SLIT1: variants seen among roughly 807,000 people sequenced by gnomAD.
SLIT1 encodes slit guidance ligand 1, also known as slit homolog 1 protein.
SLIT1 carries 66 observed loss-of-function variants against 186.1 expected under a neutral mutation model. The ratio of observed to expected loss-of-function variants is 0.35; its 90% CI spans 0.29 to 0.44. SLIT1 has a LOEUF of 0.44. SLIT1 is among the 20% of genes least tolerant of loss of function. The probability of loss-of-function intolerance (pLI) is 1.00; values close to 1 mark genes in which losing one functional copy is unlikely to be tolerated. For synonymous variants in SLIT1, 761 were observed against 833.8 expected (o/e 0.91, Z 1.50); for missense variants, 1,638 against 2,037.4 (o/e 0.80, Z 3.77).
chr10:97,008,003 GA>G (rs1402996162), intron 31 of SLIT1, among the ~76,000 whole-genome samples: 1 of 151,646 alleles, frequency 6.6e-6, no homozygotes, highest in Non-Finnish European at 1.5e-5. Flanking sequence ...GAGGGAGGGA[GA>G]GGGGGAAGGC....
chr10:97,105,106 G>A (rs1849399875), intron 4 of SLIT1, among the ~76,000 whole-genome samples: 1 of 152,194 alleles, frequency 6.6e-6, no homozygotes. Flanking sequence ...AGATGCTGAG[G>A]GGGCAGAGCT....
Position 97,002,163 on chromosome 10 carries a change from T to A in SLIT1, c.4361A>T (p.Glu1454Val). The change falls in exon 36 of 37, where the codon GAG becomes GTG. Residue 1454 changes from glutamate (E) to valine (V), a missense_variant. Physicochemically the swap from Glu to Val is moderately radical, Grantham distance 121. Coordinates refer to ENST00000266058, the MANE Select transcript of SLIT1 (RefSeq NM_003061.3). ...TCAGGAGGGGGGCCCCTGACCTTGC[T>A]CACACAGCTCGCCCGAAAAGCCGGG... ...CDPGFSGELC[E>V]QESECRGDPV... is the part of the protein sequence containing the mutation. 1 of 1,467,110 alleles carries A rather than the reference T, an allele frequency of 6.8e-7. No individual in the cohort carries two copies. The highest frequency in any genetic ancestry group is 1.4e-5 in the South Asian group (1 of 71,998). 90.9% of individuals were successfully genotyped at this position (1,467,110 alleles called of 1,614,324 possible).
intron 2 of SLIT1, 22 bp downstream of exon 2, chr10:97,164,797 G>C: frequency 4.4e-6 from 7 of 1,580,478 alleles, no homozygotes; most frequent in Non-Finnish European, 6.1e-6. Context: ...GGGTGGGGTG[G>C]GAGGGAGCAC....
chr10:97,178,631 C>T, intron 1 of SLIT1, among the ~76,000 whole-genome samples: 1 of 152,020 alleles, frequency 6.6e-6, no homozygotes, highest in Non-Finnish European at 1.5e-5. Context: ...AGTTTTGCAC[C>T]GATGTTTAAT....
intron 4 of SLIT1, among the ~76,000 whole-genome samples, chr10:97,099,306 T>TGCAGGCAGC (rs2134669155): frequency 6.6e-6 from 1 of 152,216 alleles, no homozygotes; most frequent in South Asian, 2.1e-4. Context: ...AAGGAAGAGA[T>TGCAGGCAGC]GCAGGCAGCA....
chr10:97,063,166 G>A lies in SLIT1; in HGVS notation c.793+289C>T, dbSNP rs541599743. On this transcript the variant is annotated intron_variant, in intron 8 of 36. Coordinates refer to ENST00000266058, the MANE Select transcript of SLIT1 (RefSeq NM_003061.3). Reference sequence around the variant, plus strand: ...GAGGGGACAGGAGGGAAAAGGAGAGGAGGCAAGAAGTGACATGCAGAGACA... The same window carrying A: ...GAGGGGACAGGAGGGAAAAGGAGAGAAGGCAAGAAGTGACATGCAGAGACA... Among the ~76,000 whole-genome samples, 9 of 152,214 alleles carry A rather than the reference G, an allele frequency of 5.9e-5. No homozygotes were observed. In the East Asian group the frequency reaches 7.7e-4, roughly 13 times the overall value.
intron 13 of SLIT1, among the ~76,000 whole-genome samples, chr10:97,049,338 TG>T (rs1848767412): frequency 6.6e-6 from 1 of 152,174 alleles, no homozygotes; most frequent in Admixed American, 6.5e-5. Context: ...GAAGGGTCTC[TG>T]CCACCCAGAG....
chr10:97,075,965 A>G (rs573044379), intron 4 of SLIT1, among the ~76,000 whole-genome samples: 1 of 152,242 alleles, frequency 6.6e-6, no homozygotes, highest in Admixed American at 6.5e-5. Flanking sequence ...GGAGACTTAG[A>G]CACAGACACC....
At chr10:97,018,705 G>A (rs1438033411) in intron 27 of SLIT1, 22 bp from the exon 28 acceptor site, 1 of 1,490,690 alleles carries the variant, frequency 6.7e-7, no homozygotes, top group Non-Finnish European at 9.2e-7. Flanking sequence ...GTCAGTGATG[G>A]GGACCCCAGG....
intron 4 of SLIT1, among the ~76,000 whole-genome samples, chr10:97,072,871 ATAAC>A (rs1441558801): frequency 6.6e-6 from 1 of 152,216 alleles, no homozygotes; most frequent in Non-Finnish European, 1.5e-5. Context: ...TATTTGTAAA[ATAAC>A]TACCACGTGG....
chr10:97,026,204 C>T (rs147904308), intron 25 of SLIT1, among the ~76,000 whole-genome samples: 2,369 of 152,228 alleles, frequency 0.016, 43 homozygotes, highest in African/African-American at 0.053. Context: ...TGGCTTATGC[C>T]TGTAATCTCA....
chr10:97,115,109 A>T (rs951038433), intron 4 of SLIT1, among the ~76,000 whole-genome samples: 2 of 152,196 alleles, frequency 1.3e-5, no homozygotes, highest in African/African-American at 4.8e-5. Context: ...GCGACATCAG[A>T]GGCCATGTGA....
At chr10:97,100,647 T>G (rs1554851057) in intron 4 of SLIT1, among the ~76,000 whole-genome samples, 1 of 139,342 alleles carries the variant, frequency 7.2e-6, no homozygotes, top group Non-Finnish European at 1.6e-5. Context: ...AAAAAAAAAT[T>G]GAAACAATAA....
At position 97,185,931 on chromosome 10, in the gene SLIT1, T is replaced by G. The variant is rs1850409785; in HGVS notation, c.-257A>C. On this transcript the variant is annotated 5_prime_UTR_variant, in exon 1 of 37. Transcript: ENST00000266058. ...CCGCCTGCGTCTCCCTCTCCCTCCC[T>G]CCAGCTCCCAACTGACTGCTGCGAG... is the stretch of plus-strand genomic sequence containing the variant. The G allele has an allele frequency of 2.1e-6, 1 of 481,278 alleles. No homozygotes were observed. 29.8% of individuals were successfully genotyped at this position (481,278 alleles called of 1,614,324 possible).
rs560015093 is a variant in SLIT1 at position 97,013,735 on chromosome 10, A to T, written c.3203+6T>A. 13 of 1,549,210 alleles carry T rather than the reference A, an allele frequency of 8.4e-6. No individual in the cohort carries two copies. In the African/African-American group the frequency reaches 1.1e-4, roughly 13 times the overall value. On this transcript the variant is annotated splice_donor_region_variant and intron_variant, in intron 30 of 36. Transcript: ENST00000266058. ...CTCCCTGGCCCTGGAAAGGGGCAAC[A>T]CTCACCTGGGCCCATCCGGGGTGCC...
chr10:97,054,257 C>T (rs1848817812), intron 13 of SLIT1, among the ~76,000 whole-genome samples: 1 of 151,942 alleles, frequency 6.6e-6, no homozygotes, highest in Non-Finnish European at 1.5e-5. Flanking sequence ...GAGCATGGCA[C>T]TCCCCCTCCC....
intron 3 of SLIT1, among the ~76,000 whole-genome samples, chr10:97,160,851 G>C (rs1317866409): frequency 6.6e-6 from 1 of 152,166 alleles, no homozygotes; most frequent in East Asian, 1.9e-4. Flanking sequence ...CTCTGGAGTA[G>C]CTGGGATTAC....
intron 1 of SLIT1, among the ~76,000 whole-genome samples, chr10:97,166,451 G>A (rs1850108092): frequency 1.3e-5 from 2 of 151,284 alleles, no homozygotes; most frequent in Non-Finnish European, 2.9e-5. Flanking sequence ...GGGAGGTGGA[G>A]GTTGAAGTGA....
Position 97,000,571 on chromosome 10 carries a change from CG to C in SLIT1, c.*540del, listed in dbSNP as rs1564650199. ...CCTGGCCAGCAGGAGGCGGCACCCC[CG>C]CTCCAGAGCCTGGCCTACCACCAGC... is the stretch of plus-strand genomic sequence containing the variant. On this transcript the variant is annotated 3_prime_UTR_variant, in exon 37 of 37. Transcript: ENST00000266058. 2.0e-5 allele frequency: 3 copies of C among 152,958 alleles called. No individual in the cohort carries two copies. The highest frequency in any genetic ancestry group is 7.2e-5 in the African/African-American group (3 of 41,470). 9.5% of individuals were successfully genotyped at this position (152,958 alleles called of 1,614,324 possible). A position where few individuals can be genotyped will look rare whatever the true frequency, so the allele number is the denominator to read the frequency against.
Sources: allele counts gnomAD v4.1 joint callset (sites outside exome capture counted in the v4.1 genomes callset), GRCh38; gene constraint gnomAD v4.1.1; transcripts MANE v1.5; gene names NCBI Gene and HGNC (gene_info 2026-07-23, HGNC 2026-07-21).